PPIL4: variants seen among roughly 807,000 people sequenced by gnomAD.
PPIL4 encodes the protein peptidyl-prolyl cis-trans isomerase-like 4.
A neutral mutation model predicts 69.1 loss-of-function variants in PPIL4; 50 were observed. That is an observed-to-expected ratio of 0.72 (90% CI 0.58 to 0.92). The LOEUF (loss-of-function observed/expected upper bound fraction) is 0.92, where lower values mean the gene tolerates loss of function less well. Among genes scored for constraint, PPIL4 ranks in the 40% least tolerant of loss-of-function variants. PPIL4 has a pLI of 0.00. For synonymous variants in PPIL4, 193 were observed against 191.6 expected (o/e 1.01, Z -0.06); for missense variants, 480 against 587.9 (o/e 0.82, Z 1.90).
At chr6:149,513,566 TATC>T (rs1157794541) in intron 11 of PPIL4, among the ~76,000 whole-genome samples, 1 of 150,626 alleles carries the variant, frequency 6.6e-6, no homozygotes, top group Non-Finnish European at 1.5e-5. Context: ...TAAATGAAGT[TATC>T]AACAACGATA....
At chr6:149,532,029 C>T (rs553399252) in intron 7 of PPIL4, among the ~76,000 whole-genome samples, 13 of 152,192 alleles carry the variant, frequency 8.5e-5, no homozygotes, top group African/African-American at 2.6e-4. Context: ...ACTGTGAATA[C>T]GTACATATTG....
intron 1 of PPIL4, 54 bp downstream of exon 1, chr6:149,545,882 T>C (rs896104954): frequency 6.7e-7 from 1 of 1,495,276 alleles, no homozygotes; most frequent in Non-Finnish European, 9.1e-7. Context: ...GAAGGGAAAG[T>C]AGGGAGACAA....
chr6:149,504,810 T>A lies in PPIL4; in HGVS notation c.*643A>T, dbSNP rs1190079161. ...CTAGATACAATGTTCACAGCAGCAT[T>A]GTTTCAACAGCAAAAACAAATAAAC... On this transcript the variant is annotated 3_prime_UTR_variant, in exon 13 of 13. Coordinates refer to ENST00000253329, the MANE Select transcript of PPIL4 (RefSeq NM_139126.4). 2 of 152,240 alleles carry A rather than the reference T, an allele frequency of 1.3e-5. No individual in the cohort carries two copies. Among genetic ancestry groups the A allele is most frequent in the African/African-American group, 4.8e-5 (2 of 41,454 alleles). The allele number at this position is 152,240 out of a possible 1,614,324, so 9.4% of individuals were successfully genotyped here.
chr6:149,523,975 C>G (rs1047472651), intron 9 of PPIL4, among the ~76,000 whole-genome samples: 2 of 152,142 alleles, frequency 1.3e-5, no homozygotes, highest in Admixed American at 1.3e-4. Flanking sequence ...CTTCCCCAAC[C>G]CTCCATGATT....
chr6:149,519,412 G>C (rs1776996644), intron 10 of PPIL4, among the ~76,000 whole-genome samples: 1 of 152,130 alleles, frequency 6.6e-6, no homozygotes, highest in Non-Finnish European at 1.5e-5. Context: ...CATCAGGCCA[G>C]CAGCTCACCA....
intron 11 of PPIL4, among the ~76,000 whole-genome samples, chr6:149,514,106 T>A (rs1242395770): frequency 1.3e-5 from 2 of 152,208 alleles, no homozygotes; most frequent in Non-Finnish European, 2.9e-5. Context: ...TAAGATCAAA[T>A]GAAAGACATT....
chr6:149,523,997 C>T (rs1039631813), intron 9 of PPIL4, among the ~76,000 whole-genome samples: 9 of 152,122 alleles, frequency 5.9e-5, no homozygotes, highest in African/African-American at 2.2e-4. Flanking sequence ...ATCTTGTATC[C>T]CTAGGCCTTA....
At chr6:149,505,929 C>A (rs1003873358) in intron 12 of PPIL4, among the ~76,000 whole-genome samples, 3 of 152,020 alleles carry the variant, frequency 2.0e-5, no homozygotes, top group African/African-American at 7.3e-5. Flanking sequence ...TTGGCTGAAA[C>A]GAAGGATCAG....
rs566213103 is a variant in PPIL4, at chr6:149,520,901, T to A, written c.982+159A>T. ...GGTGGCACATGCTTGTAATCCCAGC[T>A]GCTTGGGAGGCTGAGGCATGAGAAT... On this transcript the variant is annotated intron_variant, in intron 10 of 12. Transcript: ENST00000253329. Among the ~76,000 whole-genome samples, 3 of 151,838 alleles carry A rather than the reference T, an allele frequency of 2.0e-5. No homozygotes were observed. The East Asian group carries it at 5.8e-4, about 29-fold the overall frequency.
At chr6:149,542,086 T>C (rs1026366809) in intron 1 of PPIL4, among the ~76,000 whole-genome samples, 14 of 152,244 alleles carry the variant, frequency 9.2e-5, no homozygotes, top group Middle Eastern at 3.4e-3. Flanking sequence ...TACCTTTTTT[T>C]TTCCTTTAAT....
At chr6:149,516,799 G>A (rs1255462947) in intron 11 of PPIL4, among the ~76,000 whole-genome samples, 3 of 152,064 alleles carry the variant, frequency 2.0e-5, no homozygotes, top group African/African-American at 7.2e-5. Flanking sequence ...ACCGAAAGAA[G>A]TAACCTAACA....
At chr6:149,533,721 C>G in intron 6 of PPIL4, 147 bp from the exon 7 acceptor site, 1 of 478,636 alleles carries the variant, frequency 2.1e-6, no homozygotes, top group Non-Finnish European at 3.7e-6. Context: ...CACCACTGCA[C>G]TCCAGCTGGG....
Position 149,505,172 on chromosome 6 carries a change from G to A in PPIL4, c.*281C>T, listed in dbSNP as rs983558874. 2 of 285,364 alleles carry A rather than the reference G, an allele frequency of 7.0e-6. No individual in the cohort carries two copies. Among genetic ancestry groups the A allele is most frequent in the Non-Finnish European group, 1.3e-5 (2 of 152,982 alleles). 17.7% of individuals were successfully genotyped at this position (285,364 alleles called of 1,614,324 possible). ...ATATATACGTTTATGTATTTTTGTAGTATGAAATACTTCATTAAAAAAAGA... is the reference window on the plus strand; with the variant it reads ...ATATATACGTTTATGTATTTTTGTAATATGAAATACTTCATTAAAAAAAGA... On this transcript the variant is annotated 3_prime_UTR_variant, in exon 13 of 13. Coordinates refer to ENST00000253329, the MANE Select transcript of PPIL4 (RefSeq NM_139126.4).
chr6:149,537,627 A>T (rs1435106841), intron 4 of PPIL4, among the ~76,000 whole-genome samples: 1 of 151,890 alleles, frequency 6.6e-6, no homozygotes, highest in Non-Finnish European at 1.5e-5. Context: ...GAATGGCGTG[A>T]ATCTGGAGGT....
At position 149,512,207 on chromosome 6, in the gene PPIL4, C is replaced by T. The variant is rs1776855294; in HGVS notation, c.1175G>A (p.Cys392Tyr). ...SKKHKKKTHH[C>Y]SEEKEDEDYM... ...GTCCTCATCTTCTTTCTCTTCAGAA[C>T]AGTGATGGGTTTTCTTCTTGTGTTT... Residue 392 changes from cysteine to tyrosine, a missense_variant, in exon 12 of 13, where the codon TGT becomes TAT. By Grantham distance (194) the Cys-to-Tyr change is radical. Coordinates refer to ENST00000253329, the MANE Select transcript of PPIL4 (RefSeq NM_139126.4). 2 of 1,613,280 alleles carry T rather than the reference C, an allele frequency of 1.2e-6. No individual in the cohort carries two copies. The highest frequency in any genetic ancestry group is 1.7e-5 in the Admixed American group (1 of 59,938).
chr6:149,545,852 T>A, intron 1 of PPIL4, 84 bp downstream of exon 1: 1 of 1,285,538 alleles, frequency 7.8e-7, no homozygotes, highest in South Asian at 1.3e-5. Flanking sequence ...CTAGCCAATC[T>A]CTGCCCTGGA....
chr6:149,508,809 C>T (rs753683112), intron 12 of PPIL4, among the ~76,000 whole-genome samples: 4 of 152,020 alleles, frequency 2.6e-5, no homozygotes, highest in Non-Finnish European at 2.9e-5. Context: ...CAAACGTTTT[C>T]GAATTGATTA....
chr6:149,511,642 A>G (rs1345698583), intron 12 of PPIL4, among the ~76,000 whole-genome samples: 2 of 152,148 alleles, frequency 1.3e-5, no homozygotes, highest in African/African-American at 4.8e-5. Context: ...TCTTCACAAT[A>G]AATTTTCTTT....
intron 12 of PPIL4, among the ~76,000 whole-genome samples, chr6:149,509,104 A>G (rs1776805674): frequency 6.6e-6 from 1 of 152,196 alleles, no homozygotes. Flanking sequence ...AAAACTTTTT[A>G]AAATTTAATA....
Sources: gnomAD v4.1 joint callset for allele counts (sites outside exome capture counted in the v4.1 genomes callset) on GRCh38, gnomAD v4.1.1 for gene constraint, MANE v1.5 for transcripts, NCBI Gene and HGNC (gene_info 2026-07-23, HGNC 2026-07-21) for gene names.